Variants in EFR3B observed in about 807,000 individuals in gnomAD.
EFR3B encodes EFR3 homolog B.
Under a neutral mutation model 104.7 loss-of-function variants are expected in EFR3B, and 64 were observed. That is an observed-to-expected ratio of 0.61 (90% confidence interval 0.50 to 0.75). The LOEUF (loss-of-function observed/expected upper bound fraction) is 0.75, where lower values mean the gene tolerates loss of function less well. Ranked by LOEUF, EFR3B falls within the 30% of genes least tolerant of loss-of-function variation. The pLI is 0.00. For missense variants in EFR3B, 750 were observed against 1,078.5 expected (o/e 0.70, Z 4.27); for synonymous variants, 385 against 417.9 (o/e 0.92, Z 0.96).
chr2:25,078,024 G>A (rs1321500738), intron 1 of EFR3B, among the ~76,000 whole-genome samples: 1 of 152,138 alleles, frequency 6.6e-6, no homozygotes, highest in African/African-American at 2.4e-5. Context: ...TAAACTCAGA[G>A]ATTTCTTCAG....
intron 4 of EFR3B, among the ~76,000 whole-genome samples, chr2:25,108,205 C>T (rs1196362918): frequency 6.6e-6 from 1 of 152,130 alleles, no homozygotes; most frequent in Non-Finnish European, 1.5e-5. Context: ...GGACTGGAAA[C>T]ACCAGGAGAA....
intron 1 of EFR3B, chr2:25,081,297 A>G: frequency 1.1e-6 from 1 of 950,002 alleles, no homozygotes; most frequent in Non-Finnish European, 1.7e-6. Flanking sequence ...ATCAGCTGAA[A>G]CCTGCGCCTT....
intron 1 of EFR3B, among the ~76,000 whole-genome samples, chr2:25,051,204 T>A (rs1337315633): frequency 6.6e-6 from 1 of 151,962 alleles, no homozygotes; most frequent in African/African-American, 2.4e-5. Context: ...CTCTACCTCC[T>A]GGGTTCAAGC....
intron 1 of EFR3B, among the ~76,000 whole-genome samples, chr2:25,051,395 G>A (rs1313524333): frequency 2.6e-5 from 4 of 151,598 alleles, no homozygotes; most frequent in Admixed American, 6.6e-5. Flanking sequence ...GATTACAGGC[G>A]TGAGCCACCA....
In EFR3B at chr2:25,152,080, C is replaced by T; in HGVS notation, c.2298+60C>T. The T allele has an allele frequency of 3.3e-6, 5 of 1,510,040 alleles. No individual in the cohort carries two copies. In the South Asian group the frequency reaches 6.1e-5, roughly 18 times the overall value. The allele number at this position is 1,510,040 out of a possible 1,614,324, so 93.5% of individuals were successfully genotyped here. On this transcript the variant is annotated intron_variant, in intron 21 of 22. Coordinates refer to ENST00000403714, the MANE Select transcript of EFR3B (RefSeq NM_014971.2). ...GCCAAGTCAAGACTGAATTTGGGTC[C>T]AGGACAGGATTAAGTTCCTAGGAGA... is the stretch of plus-strand genomic sequence containing the variant.
At chr2:25,043,251 A>G (rs996477903) in intron 1 of EFR3B, among the ~76,000 whole-genome samples, 1 of 152,170 alleles carries the variant, frequency 6.6e-6, no homozygotes, top group African/African-American at 2.4e-5. Context: ...TTCTAGTGCC[A>G]GCAAAATAAT....
rs1207483031 is a variant in EFR3B, at chr2:25,137,009, T to A, written c.1561-332T>A. On this transcript the variant is annotated intron_variant, in intron 14 of 22. Transcript: ENST00000403714. The surrounding 1 kb of genome is among the most constrained non-coding windows in gnomAD (Gnocchi z 4.7). ...CTCCTCTCTCTGTAGCTACGTCTCCTCCCTCTGTGGCTATGTGTTAAGCTG... is the reference window on the plus strand; with the variant it reads ...CTCCTCTCTCTGTAGCTACGTCTCCACCCTCTGTGGCTATGTGTTAAGCTG... Among the ~76,000 whole-genome samples, 1 of 152,136 alleles carries A rather than the reference T, an allele frequency of 6.6e-6. No homozygotes were observed. Among genetic ancestry groups the A allele is most frequent in the Non-Finnish European group, 1.5e-5 (1 of 68,020 alleles).
chr2:25,133,347 A>G, intron 11 of EFR3B, 36 bp from the exon 12 acceptor site: 1 of 1,550,008 alleles, frequency 6.5e-7, no homozygotes, highest in Non-Finnish European at 8.7e-7. Context: ...CTGCCCTATT[A>G]CCATCCTGGT....
rs1558607280 is a variant in EFR3B, at chr2:25,114,408, C to T, written c.364-7265C>T. ...AAGGGATCCTAAGGAGGCTCGAGAT[C>T]CTGGTACCAAAAAGGTGCTTATTTT... On this transcript the variant is annotated intron_variant, in intron 4 of 22. Coordinates refer to ENST00000403714, the MANE Select transcript of EFR3B (RefSeq NM_014971.2). This position sits in a 1 kb window ranked among gnomAD's most constrained non-coding sequence, Gnocchi z 4.0. Among the ~76,000 whole-genome samples, 1 of 152,194 alleles carries T rather than the reference C, an allele frequency of 6.6e-6. No homozygotes were observed. Among genetic ancestry groups the T allele is most frequent in the Non-Finnish European group, 1.5e-5 (1 of 68,038 alleles).
In EFR3B at chr2:25,131,724, C is replaced by T. The variant is rs1300380156; in HGVS notation, c.986-26C>T. The T allele has an allele frequency of 1.3e-6, 2 of 1,487,840 alleles. No individual in the cohort carries two copies. The highest frequency in any genetic ancestry group is 1.4e-5 in the South Asian group (1 of 73,946). 92.2% of individuals were successfully genotyped at this position (1,487,840 alleles called of 1,614,324 possible). Reference sequence around the variant, plus strand: ...GGAGGAGGGTGCCAGCCTTGGATCTCGGGTGTCCCGCCCCACCGCTCTCAG... The same window carrying T: ...GGAGGAGGGTGCCAGCCTTGGATCTTGGGTGTCCCGCCCCACCGCTCTCAG... On this transcript the variant is annotated intron_variant, in intron 9 of 22. Coordinates refer to ENST00000403714, the MANE Select transcript of EFR3B (RefSeq NM_014971.2). This position sits in a 1 kb window ranked among gnomAD's most constrained non-coding sequence, Gnocchi z 7.6.
Position 25,130,392 on chromosome 2 carries a change from A to C in EFR3B, c.771-160A>C, listed in dbSNP as rs755396936. On this transcript the variant is annotated intron_variant, in intron 7 of 22. Coordinates refer to ENST00000403714, the MANE Select transcript of EFR3B (RefSeq NM_014971.2). This position sits in a 1 kb window ranked among gnomAD's most constrained non-coding sequence, Gnocchi z 4.6. ...GCGCTGTCCTTGGCCTCTCTCCAGC[A>C]CTGGACTGGGACTACCCCAAGGCCC... 4.6e-5 allele frequency among the ~76,000 whole-genome samples: 7 copies of C among 152,210 alleles called. No homozygotes were observed. Among genetic ancestry groups the C allele is most frequent in the Non-Finnish European group, 8.8e-5 (6 of 68,040 alleles).
chr2:25,143,124 G>A (rs539832792), intron 17 of EFR3B, among the ~76,000 whole-genome samples: 2 of 152,058 alleles, frequency 1.3e-5, no homozygotes, highest in African/African-American at 4.8e-5. Flanking sequence ...GCTGAGGTAG[G>A]AGAATGGTGT....
intron 1 of EFR3B, chr2:25,058,271 T>A (rs776075775): frequency 1.3e-5 from 2 of 152,078 alleles, no homozygotes; most frequent in African/African-American, 4.8e-5. Context: ...AGTAGTGAGA[T>A]TGAGCCTTTG....
chr2:25,133,118 CTCT>C, intron 11 of EFR3B, 104 bp downstream of exon 11: 3 of 1,092,444 alleles, frequency 2.7e-6, no homozygotes, highest in Middle Eastern at 2.0e-4. Context: ...GCCCTCTGCT[CTCT>C]TTTTACTCCC....
At chr2:25,116,495 G>C (rs1241372135) in intron 4 of EFR3B, among the ~76,000 whole-genome samples, 2 of 151,202 alleles carry the variant, frequency 1.3e-5, no homozygotes, top group Non-Finnish European at 2.9e-5. Context: ...GTGGTGGCGG[G>C]CACCTGTAAT....
intron 1 of EFR3B, chr2:25,080,875 T>G: frequency 1.2e-6 from 1 of 811,412 alleles, no homozygotes; most frequent in Non-Finnish European, 2.2e-6. Context: ...AGAAAAAGGC[T>G]GTAAAGCTTG....
In EFR3B at chr2:25,124,277, AGTGTGTGTGTGTGTGTGTGT is replaced by A. The variant is rs5829961; in HGVS notation, c.485+2519_485+2538del. 2.5e-3 allele frequency among the ~76,000 whole-genome samples: 312 copies of A among 124,896 alleles called. 2 individuals are homozygous for A. Among genetic ancestry groups the A allele is most frequent in the African/African-American group, 8.3e-3 (279 of 33,708 alleles). 81.9% of individuals were successfully genotyped at this position (124,896 alleles called of 152,430 possible). A position where few individuals can be genotyped will look rare whatever the true frequency, so the allele number is the denominator to read the frequency against. ...GTCCAGCAGTGGGCCTGTGCATGCA[AGTGTGTGTGTGTGTGTGTGT>A]GTGTGTGTGTGTGTGTGTGTGTGTG... On this transcript the variant is annotated intron_variant, in intron 5 of 22. Transcript: ENST00000403714.
At position 25,042,220 on chromosome 2, in the gene EFR3B, G is replaced by T; in HGVS notation, c.-93G>T. On this transcript the variant is annotated 5_prime_UTR_variant, in exon 1 of 23. Coordinates refer to ENST00000403714, the MANE Select transcript of EFR3B (RefSeq NM_014971.2). This position sits in a 1 kb window ranked among gnomAD's most constrained non-coding sequence, Gnocchi z 5.4. ...CCCCTGTCGGCCGCCGCCAGTCCCC[G>T]CCCCGACTGTGAATGAAAGGCGGGC... 1 of 1,228,758 alleles carries T rather than the reference G, an allele frequency of 8.1e-7. No individual in the cohort carries two copies. The highest frequency in any genetic ancestry group is 1.0e-6 in the Non-Finnish European group (1 of 975,766). 76.1% of individuals were successfully genotyped at this position (1,228,758 alleles called of 1,614,324 possible).
rs1426497951 is a variant in EFR3B at position 25,131,870 on chromosome 2, ACGAGGAGCG to A, written c.1108_1116del (p.Glu370_Arg372del). ...CTCGGCACCAAGATCATCAAGGAGC[ACGAGGAGCG>A]CATGTTCCAGGAGGCCGTCATCAAG... On this transcript the variant is annotated inframe_deletion, in exon 10 of 23. Transcript: ENST00000403714. This position sits in a 1 kb window ranked among gnomAD's most constrained non-coding sequence, Gnocchi z 7.6. 6.5e-7 allele frequency: 1 copy of A among 1,547,048 alleles called. No homozygotes were observed. The highest frequency in any genetic ancestry group is 8.7e-7 in the Non-Finnish European group (1 of 1,145,440).
Sources: gnomAD v4.1 joint callset for allele counts (sites outside exome capture counted in the v4.1 genomes callset) on GRCh38, gnomAD v4.1.1 for gene constraint, Gnocchi (gnomAD v3.1) non-coding constraint, MANE v1.5 for transcripts, NCBI Gene and HGNC (gene_info 2026-07-23, HGNC 2026-07-21) for gene names.